The following MME variants were observed in gnomAD, a reference collection of about 807,000 sequenced individuals.
MME encodes the protein neprilysin.
A neutral mutation model predicts 113.2 loss-of-function variants in MME; 98 were observed. That is an observed-to-expected ratio of 0.87 (90% confidence interval 0.74 to 1.02). The LOEUF (loss-of-function observed/expected upper bound fraction) is 1.02. Ranked by LOEUF, MME falls within the 50% of genes least tolerant of loss-of-function variation. The pLI is 0.00. For synonymous variants in MME, 292 were observed against 300.6 expected, an observed-to-expected ratio of 0.97 and a Z score of 0.30; for missense variants, 836 against 896.0, an observed-to-expected ratio of 0.93 and a Z score of 0.86.
rs138255557 is a variant in MME, at chr3:155,181,855, G to C, written c.*1396G>C. 43 of 152,130 alleles carry C rather than the reference G, an allele frequency of 2.8e-4. No individual in the cohort carries two copies. Among genetic ancestry groups the C allele is most frequent in the African/African-American group, 1.0e-3 (43 of 41,508 alleles). The allele number at this position is 152,130 out of a possible 1,614,324, so 9.4% of individuals were successfully genotyped here. ...TTTTTCCTAACAAAAGATGAAAGCA[G>C]GGAATTTCTATCTAAATGATGAGTA... On this transcript the variant is annotated 3_prime_UTR_variant, in exon 23 of 23. Transcript: ENST00000360490.
upstream of MME, among the ~76,000 whole-genome samples, chr3:155,078,332 T>G (rs1714841377): frequency 6.6e-6 from 1 of 152,166 alleles, no homozygotes; most frequent in Non-Finnish European, 1.5e-5. Flanking sequence ...GACTAAATAG[T>G]GTCTGTAAGA....
chr3:155,066,438 T>A (rs1714381509), intron 1 of MME, among the ~76,000 whole-genome samples: 2 of 152,180 alleles, frequency 1.3e-5, no homozygotes, highest in Non-Finnish European at 2.9e-5. Context: ...CTCATTGCCA[T>A]CTCCTCAACC....
chr3:155,136,869 T>A (rs1440001795), intron 8 of MME, among the ~76,000 whole-genome samples: 1 of 152,198 alleles, frequency 6.6e-6, no homozygotes. Context: ...TGCAAACAAG[T>A]CTTTGAAGCA....
At chr3:155,162,370 C>T (rs1394432107) in intron 17 of MME, among the ~76,000 whole-genome samples, 1 of 152,076 alleles carries the variant, frequency 6.6e-6, no homozygotes, top group Non-Finnish European at 1.5e-5. Context: ...TGTCTTGAAA[C>T]CAAAGAAGCA....
intron 3 of MME, among the ~76,000 whole-genome samples, chr3:155,103,384 T>TGTCA (rs35749393): frequency 0.32 from 48,703 of 151,890 alleles, 8,401 homozygotes; most frequent in Non-Finnish European, 0.41. Flanking sequence ...GTCCTGCTTA[T>TGTCA]GTCAGATTTC....
chr3:155,100,303 G>A (rs1026036359), intron 3 of MME, among the ~76,000 whole-genome samples: 5 of 152,200 alleles, frequency 3.3e-5, no homozygotes, highest in Admixed American at 3.3e-4. Flanking sequence ...ATGAAAAAAT[G>A]CTCATCATCA....
chr3:155,148,309 C>A (rs546128772), intron 15 of MME, among the ~76,000 whole-genome samples: 2 of 152,178 alleles, frequency 1.3e-5, no homozygotes, highest in South Asian at 4.2e-4. Context: ...GTTTGTTTGA[C>A]ACTTGGTTTC....
chr3:155,101,129 C>T (rs889143432), intron 3 of MME, among the ~76,000 whole-genome samples: 1 of 152,120 alleles, frequency 6.6e-6, no homozygotes, highest in Non-Finnish European at 1.5e-5. Context: ...GATGCCTGCT[C>T]CTCCTTCACG....
chr3:155,086,995 G>GT (rs372206174), intron 3 of MME, among the ~76,000 whole-genome samples: 940 of 65,010 alleles, frequency 0.014, 6 homozygotes, highest in East Asian at 0.064. Context: ...TGTTTTTTTT[G>GT]TTTTTTTTTG....
rs1007153287 is a variant in MME at position 155,182,819 on chromosome 3, T to A, written c.*2360T>A. 2.0e-5 allele frequency: 3 copies of A among 152,302 alleles called. No homozygotes were observed. The highest frequency in any genetic ancestry group is 7.2e-5 in the African/African-American group (3 of 41,552). 9.4% of individuals were successfully genotyped at this position (152,302 alleles called of 1,614,324 possible). On this transcript the variant is annotated 3_prime_UTR_variant, in exon 23 of 23. Coordinates refer to ENST00000360490, the MANE Select transcript of MME (RefSeq NM_007289.4). ...AGATTTTCTGGGCCTAAAGGATAGA[T>A]CAAAGTCAAAAATAGCAATGCCTCC...
At chr3:155,154,493 T>C (rs1722173600) in intron 16 of MME, among the ~76,000 whole-genome samples, 1 of 152,194 alleles carries the variant, frequency 6.6e-6, no homozygotes, top group African/African-American at 2.4e-5. Context: ...GTAGAATGTG[T>C]CTGAGGTTCT....
At chr3:155,035,307 T>C (rs1713094822) in intron 1 of MME, among the ~76,000 whole-genome samples, 1 of 148,312 alleles carries the variant, frequency 6.7e-6, no homozygotes, top group Non-Finnish European at 1.5e-5. Flanking sequence ...TAAAGCACAT[T>C]AAATATAAAA....
At chr3:155,138,656 T>G (rs555981862) in intron 9 of MME, among the ~76,000 whole-genome samples, 1 of 152,170 alleles carries the variant, frequency 6.6e-6, no homozygotes, top group African/African-American at 2.4e-5. Flanking sequence ...TGCTAAGAAG[T>G]ATTAACCCCT....
intron 3 of MME, among the ~76,000 whole-genome samples, chr3:155,109,740 T>C (rs1474330757): frequency 6.6e-6 from 1 of 152,238 alleles, no homozygotes; most frequent in Non-Finnish European, 1.5e-5. Flanking sequence ...AGGAGTAGAA[T>C]TCTGGGCATC....
rs907754101 is a variant in MME at position 155,090,575 on chromosome 3, C to T, written c.196+5481C>T. On this transcript the variant is annotated intron_variant, in intron 3 of 22. Coordinates refer to ENST00000360490, the MANE Select transcript of MME (RefSeq NM_007289.4). ...TAAAATAGGGTTACTTGAACACAAA[C>T]ACCATCATCCTGCAACAGTTGATAT... 15 of 152,272 alleles carry T rather than the reference C, an allele frequency of 9.9e-5. 1 individual carries two copies. The South Asian group carries it at 2.3e-3, about 23-fold the overall frequency. The allele number at this position is 152,272 out of a possible 1,614,324, so 9.4% of individuals were successfully genotyped here. A position where few individuals can be genotyped will look rare whatever the true frequency, so the allele number is the denominator to read the frequency against.
Position 155,057,828 on chromosome 3 carries a change from G to A in MME, c.-10-26330G>A, listed in dbSNP as rs577910078. Among the ~76,000 whole-genome samples, 24 of 151,944 alleles carry A rather than the reference G, an allele frequency of 1.6e-4. No homozygotes were observed. The South Asian group carries it at 4.6e-3, about 29-fold the overall frequency. ...TACTGCTTACAGGATGAATGGAGGAGGAAATCTTCACTATGCCTGTCATAT... is the reference window on the plus strand; with the variant it reads ...TACTGCTTACAGGATGAATGGAGGAAGAAATCTTCACTATGCCTGTCATAT... On this transcript the variant is annotated intron_variant, in intron 1 of 22. Coordinates refer to the MME transcript ENST00000492661.
At chr3:155,109,819 A>G (rs1050733919) in intron 3 of MME, among the ~76,000 whole-genome samples, 1 of 152,196 alleles carries the variant, frequency 6.6e-6, no homozygotes, top group Non-Finnish European at 1.5e-5. Flanking sequence ...GTCCTAAAAC[A>G]TATTTCTGAG....
intron 16 of MME, among the ~76,000 whole-genome samples, chr3:155,155,213 G>A (rs962408274): frequency 2.0e-5 from 3 of 151,956 alleles, no homozygotes; most frequent in Non-Finnish European, 4.4e-5. Context: ...AAAGGAAGCC[G>A]AATAATTTAA....
chr3:155,062,372 C>CT (rs1288871882), intron 1 of MME, among the ~76,000 whole-genome samples: 1 of 152,114 alleles, frequency 6.6e-6, no homozygotes, highest in Non-Finnish European at 1.5e-5. Context: ...TAAAGGCTAT[C>CT]TTTTTATTGT....
Sources: allele counts gnomAD v4.1 joint callset (sites outside exome capture counted in the v4.1 genomes callset), GRCh38; gene constraint gnomAD v4.1.1; transcripts MANE v1.5; gene names NCBI Gene and HGNC (gene_info 2026-07-23, HGNC 2026-07-21).